Variants in FAM135A observed in about 807,000 individuals in gnomAD.
FAM135A encodes protein FAM135A.
FAM135A carries 79 observed loss-of-function variants against 146.8 expected under a neutral mutation model. That is an observed-to-expected ratio of 0.54 (90% CI 0.45 to 0.65). The LOEUF is 0.65. FAM135A is among the 30% of genes least tolerant of loss of function. FAM135A has a pLI of 0.00. For missense variants in FAM135A, 1,623 were observed against 1,758.2 expected, an observed-to-expected ratio of 0.92 and a Z score of 1.38; for synonymous variants, 562 against 603.6, an observed-to-expected ratio of 0.93 and a Z score of 1.01.
intron 11 of FAM135A, among the ~76,000 whole-genome samples, chr6:70,492,090 T>C (rs1786110284): frequency 6.6e-6 from 1 of 151,840 alleles, no homozygotes. Flanking sequence ...ATGTAATTTT[T>C]AAATAATACA....
chr6:70,477,264 C>T lies in FAM135A; in HGVS notation c.474C>T (p.Tyr158=), dbSNP rs748520978. 3 of 1,613,484 alleles carry T rather than the reference C, an allele frequency of 1.9e-6. No homozygotes were observed. In the African/African-American group the frequency reaches 4.0e-5, roughly 22 times the overall value. Residue 158 remains tyrosine, a synonymous_variant, in exon 8 of 22, where the codon TAC becomes TAT. Coordinates refer to ENST00000418814, the MANE Select transcript of FAM135A (RefSeq NM_001162529.3). ...ATCATGTTAATGTTATGTTTGATTA[C>T]TTCCACCTTTCTGTTGTGTCTGTTA... The part of the protein sequence containing the change: ...LHHHVNVMFD[Y]FHLSVVSVTV...
At chr6:70,445,361 G>GAGACCAGC (rs111464151) in intron 4 of FAM135A, among the ~76,000 whole-genome samples, 39,729 of 151,798 alleles carry the variant, frequency 0.26, 6,481 homozygotes, top group African/African-American at 0.46. Context: ...GGTTTCTGCC[G>GAGACCAGC]TCTTGGTCAG....
intron 5 of FAM135A, among the ~76,000 whole-genome samples, chr6:70,471,610 G>T (rs766064654): frequency 6.6e-5 from 10 of 151,362 alleles, no homozygotes; most frequent in Non-Finnish European, 1.0e-4. Flanking sequence ...AGAATACCTA[G>T]TGGATGCTGG....
chr6:70,555,106 T>C (rs1363137933), intron 20 of FAM135A, among the ~76,000 whole-genome samples: 3 of 152,168 alleles, frequency 2.0e-5, no homozygotes, highest in Non-Finnish European at 4.4e-5. Context: ...ATATTTTGCT[T>C]GGTTTTCCAG....
chr6:70,505,843 G>A (rs1297503678), intron 12 of FAM135A, among the ~76,000 whole-genome samples: 1 of 151,762 alleles, frequency 6.6e-6, no homozygotes, highest in African/African-American at 2.4e-5. Flanking sequence ...TTGCTATATT[G>A]TAGTAAACAG....
chr6:70,492,072 T>G (rs972419921), intron 11 of FAM135A, among the ~76,000 whole-genome samples: 6 of 151,840 alleles, frequency 4.0e-5, no homozygotes, highest in African/African-American at 1.4e-4. Flanking sequence ...AAAACTTTTT[T>G]TAAAATAATG....
chr6:70,538,459 C>T, intron 20 of FAM135A, 58 bp downstream of exon 20: 1 of 954,540 alleles, frequency 1.0e-6, no homozygotes, highest in Non-Finnish European at 1.4e-6. Context: ...AAAAAATAAA[C>T]ATTTAGCAAA....
At chr6:70,556,284 T>G (rs1800811637) in intron 20 of FAM135A, among the ~76,000 whole-genome samples, 1 of 151,990 alleles carries the variant, frequency 6.6e-6, no homozygotes, top group South Asian at 2.1e-4. Context: ...AAAGAAAATA[T>G]AAATCATATT....
At position 70,558,778 on chromosome 6, in the gene FAM135A, C is replaced by T. The variant is rs73489087; in HGVS notation, c.4343-938C>T. 4.1e-3 allele frequency among the ~76,000 whole-genome samples: 620 copies of T among 152,132 alleles called. 3 individuals are homozygous for T. Among genetic ancestry groups the T allele is most frequent in the African/African-American group, 0.014 (599 of 41,512 alleles). On this transcript the variant is annotated intron_variant, in intron 21 of 21. Coordinates refer to ENST00000418814, the MANE Select transcript of FAM135A (RefSeq NM_001162529.3). ...AGGCTGCAGTGAGTTGTGATCATGC[C>T]GCTGCATTCCAGCCTGGGTAACAGA...
intron 10 of FAM135A, among the ~76,000 whole-genome samples, 187 bp from the exon 11 acceptor site, chr6:70,490,847 A>C (rs1002400489): frequency 2.6e-5 from 4 of 152,066 alleles, no homozygotes; most frequent in African/African-American, 9.6e-5. Context: ...GATATTTATC[A>C]GAATGTAGAA....
At chr6:70,461,471 C>G (rs1779429413) in intron 5 of FAM135A, among the ~76,000 whole-genome samples, 2 of 151,704 alleles carry the variant, frequency 1.3e-5, no homozygotes, top group Admixed American at 6.6e-5. Context: ...ATGTAAAGAA[C>G]TGAAACATAA....
At chr6:70,530,389 A>T (rs75665939) in intron 16 of FAM135A, among the ~76,000 whole-genome samples, 1,594 of 152,300 alleles carry the variant, frequency 0.01, 15 homozygotes, top group Middle Eastern at 0.02. Flanking sequence ...TTAGAGGTAC[A>T]ACTTTTAAAA....
At chr6:70,439,561 T>A (rs1175463007) in intron 4 of FAM135A, among the ~76,000 whole-genome samples, 2 of 152,230 alleles carry the variant, frequency 1.3e-5, no homozygotes, top group Non-Finnish European at 2.9e-5. Flanking sequence ...AGGGCACTTT[T>A]TGTGTTTAAG....
chr6:70,512,862 T>C (rs1393453206), intron 12 of FAM135A, among the ~76,000 whole-genome samples: 2 of 151,860 alleles, frequency 1.3e-5, no homozygotes, highest in South Asian at 2.1e-4. Flanking sequence ...GCCCAAGTCA[T>C]GAAAAATATT....
chr6:70,490,399 A>G (rs1271464532), intron 10 of FAM135A, among the ~76,000 whole-genome samples: 2 of 152,126 alleles, frequency 1.3e-5, no homozygotes, highest in Non-Finnish European at 2.9e-5. Flanking sequence ...CCTGGTAAAT[A>G]TTATCATTTT....
rs528238438 is a variant in FAM135A, at chr6:70,456,903, T to C, written c.157+4332T>C. Among the ~76,000 whole-genome samples, 4 of 152,302 alleles carry C rather than the reference T, an allele frequency of 2.6e-5. No individual in the cohort carries two copies. In the East Asian group the frequency reaches 7.7e-4, roughly 29 times the overall value. On this transcript the variant is annotated intron_variant, in intron 5 of 21. Transcript: ENST00000418814. ...TGCTTGCTGCTACTTGTATTACAGT[T>C]CAGTCAGGAGCACCCTTTTCAGGCG...
intron 8 of FAM135A, among the ~76,000 whole-genome samples, chr6:70,480,479 C>G (rs1783488478): frequency 6.6e-6 from 1 of 152,058 alleles, no homozygotes; most frequent in Admixed American, 6.6e-5. Flanking sequence ...AGTAATTTTT[C>G]TTTTTCTACA....
At chr6:70,503,598 A>G (rs1442622199) in intron 12 of FAM135A, 1 of 152,246 alleles carries the variant, frequency 6.6e-6, no homozygotes, top group African/African-American at 2.4e-5. Flanking sequence ...ATCTTTTCCA[A>G]TTACCATACC....
At chr6:70,449,737 T>C (rs763936779) in intron 4 of FAM135A, among the ~76,000 whole-genome samples, 9 of 152,154 alleles carry the variant, frequency 5.9e-5, no homozygotes, top group Non-Finnish European at 1.2e-4. Flanking sequence ...AGGGCAGATA[T>C]CTTTCTAATA....
Sources: gnomAD v4.1 joint callset for allele counts (sites outside exome capture counted in the v4.1 genomes callset) on GRCh38, gnomAD v4.1.1 for gene constraint, MANE v1.5 for transcripts, NCBI Gene and HGNC (gene_info 2026-07-23, HGNC 2026-07-21) for gene names.